The following CNTLN variants were observed in gnomAD, a reference collection of about 807,000 sequenced individuals.
The protein encoded by CNTLN is centlein, also known as centlein, centrosomal protein.
A neutral mutation model predicts 180.0 loss-of-function variants in CNTLN; 212 were observed. The ratio of observed to expected loss-of-function variants is 1.18; its 90% CI spans 1.05 to 1.32. The LOEUF is 1.32. Among genes scored for constraint, CNTLN ranks in the 40% most tolerant of loss-of-function variants. The probability of loss-of-function intolerance (pLI) is 0.00; values close to 1 mark genes in which losing one functional copy is unlikely to be tolerated. For synonymous variants in CNTLN, 722 were observed against 563.1 expected, an observed-to-expected ratio of 1.28 and a Z score of -3.99; for missense variants, 2,095 against 1,610.9, an observed-to-expected ratio of 1.30 and a Z score of -5.14.
At chr9:17,204,417 T>C (rs1386578237) in intron 2 of CNTLN, among the ~76,000 whole-genome samples, 3 of 152,172 alleles carry the variant, frequency 2.0e-5, no homozygotes, top group Admixed American at 2.0e-4. Flanking sequence ...TTTCTGTTTG[T>C]TAGTTTTTCC....
Position 17,457,611 on chromosome 9 carries a change from G to A in CNTLN, c.3202G>A (p.Ala1068Thr), listed in dbSNP as rs762851581. The A allele has an allele frequency of 9.6e-6, 15 of 1,566,668 alleles. No individual in the cohort carries two copies. The South Asian group carries it at 1.7e-4, about 17-fold the overall frequency. Residue 1068 changes from alanine to threonine, a missense_variant, in exon 19 of 26, where the codon GCA becomes ACA. By Grantham distance (58) the Ala-to-Thr change is moderately conservative. Coordinates refer to ENST00000380647, the MANE Select transcript of CNTLN (RefSeq NM_017738.4). ...LESSSEITSL[A>T]EENSQVTFPR... ...GTCCTCATCTGAAATCACAAGTTTG[G>A]CAGAAGAAAATTCCCAGGTAACATT... is the stretch of plus-strand genomic sequence containing the variant.
At chr9:17,255,424 T>G (rs1363696303) in intron 5 of CNTLN, among the ~76,000 whole-genome samples, 1 of 151,060 alleles carries the variant, frequency 6.6e-6, no homozygotes, top group African/African-American at 2.4e-5. Flanking sequence ...TCAAATGTTT[T>G]TTCTGTATCG....
intron 8 of CNTLN, among the ~76,000 whole-genome samples, chr9:17,319,265 G>C (rs1263155941): frequency 6.6e-6 from 1 of 152,172 alleles, no homozygotes; most frequent in African/African-American, 2.4e-5. Context: ...CTACATCCAA[G>C]CATCCTAGGG....
At chr9:17,247,448 T>C (rs1430927044) in intron 5 of CNTLN, among the ~76,000 whole-genome samples, 1 of 152,214 alleles carries the variant, frequency 6.6e-6, no homozygotes, top group African/African-American at 2.4e-5. Flanking sequence ...GTCCCTGTGC[T>C]CTGCCTCTCC....
At chr9:17,440,833 A>G (rs182286318) in intron 18 of CNTLN, among the ~76,000 whole-genome samples, 2 of 152,334 alleles carry the variant, frequency 1.3e-5, no homozygotes, top group East Asian at 3.9e-4. Flanking sequence ...GAAGAAGCTA[A>G]TAATAAAAGA....
intron 12 of CNTLN, among the ~76,000 whole-genome samples, chr9:17,354,650 AG>A (rs1375614817): frequency 1.3e-5 from 2 of 152,098 alleles, no homozygotes; most frequent in Non-Finnish European, 2.9e-5. Flanking sequence ...TATCTAGCTC[AG>A]GGATTGTAAA....
chr9:17,302,115 C>T (rs929908798), intron 7 of CNTLN: 10 of 748,420 alleles, frequency 1.3e-5, no homozygotes, highest in Middle Eastern at 7.9e-4. Context: ...CACACACACA[C>T]ACACAGACAC....
intron 2 of CNTLN, among the ~76,000 whole-genome samples, chr9:17,174,201 C>T (rs1168130015): frequency 6.6e-6 from 1 of 152,128 alleles, no homozygotes; most frequent in Non-Finnish European, 1.5e-5. Flanking sequence ...AAGAGTGTCC[C>T]ATAGTATGGA....
chr9:17,481,325 A>G (rs534607559), intron 23 of CNTLN, among the ~76,000 whole-genome samples: 40 of 152,256 alleles, frequency 2.6e-4, no homozygotes, highest in African/African-American at 9.1e-4. Context: ...CCCAACAACT[A>G]TGGGGCACAG....
chr9:17,293,226 T>G (rs1817523844), intron 6 of CNTLN, among the ~76,000 whole-genome samples: 1 of 152,224 alleles, frequency 6.6e-6, no homozygotes, highest in East Asian at 1.9e-4. Flanking sequence ...TGGCAACCCC[T>G]GTTGGGGTCT....
chr9:17,299,510 T>C (rs1471068674), intron 7 of CNTLN: 1 of 984,716 alleles, frequency 1.0e-6, no homozygotes, highest in Admixed American at 6.1e-5. Context: ...TTAATTACCT[T>C]AAAACTTAAA....
chr9:17,417,408 GT>G (rs1330320489), intron 18 of CNTLN, among the ~76,000 whole-genome samples: 2 of 150,740 alleles, frequency 1.3e-5, no homozygotes, highest in African/African-American at 4.9e-5. Context: ...GTATTCCTAG[GT>G]TTTTTTTGTG....
At position 17,502,808 on chromosome 9, in the gene CNTLN, C is replaced by A; in HGVS notation, c.*156C>A. On this transcript the variant is annotated 3_prime_UTR_variant, in exon 26 of 26. Coordinates refer to ENST00000380647, the MANE Select transcript of CNTLN (RefSeq NM_017738.4). Reference sequence around the variant, plus strand: ...TCTCTGAAAATAATTAATTGCTGAACAAGTGAAACTAATTAAGTACATAGC... The same window carrying A: ...TCTCTGAAAATAATTAATTGCTGAAAAAGTGAAACTAATTAAGTACATAGC... The A allele has an allele frequency of 5.0e-6, 2 of 396,248 alleles. No individual in the cohort carries two copies. The highest frequency in any genetic ancestry group is 5.5e-4 in the Middle Eastern group (1 of 1,812). The allele number at this position is 396,248 out of a possible 1,614,324, so 24.5% of individuals were successfully genotyped here.
chr9:17,207,526 C>A (rs1342726003), intron 2 of CNTLN, among the ~76,000 whole-genome samples: 1 of 152,138 alleles, frequency 6.6e-6, no homozygotes, highest in Non-Finnish European at 1.5e-5. Context: ...CTGCAAAAAC[C>A]GTGGGAAAAT....
intron 22 of CNTLN, among the ~76,000 whole-genome samples, chr9:17,466,465 C>T (rs566610955): frequency 1.3e-5 from 2 of 151,484 alleles, no homozygotes; most frequent in Non-Finnish European, 3.0e-5. Context: ...TCTAAAATAG[C>T]TTCCATGCTT....
At chr9:17,165,599 C>G (rs1820016414) in intron 2 of CNTLN, among the ~76,000 whole-genome samples, 1 of 128,378 alleles carries the variant, frequency 7.8e-6, no homozygotes, top group African/African-American at 3.7e-5. Flanking sequence ...TGTAGACTCT[C>G]TGGTCCTCCT....
At position 17,160,797 on chromosome 9, in the gene CNTLN, A is replaced by G. The variant is rs541668124; in HGVS notation, c.449+17421A>G. Among the ~76,000 whole-genome samples the G allele has an allele frequency of 6.6e-5, 10 of 152,310 alleles. No homozygotes were observed. The South Asian group carries it at 1.4e-3, about 22-fold the overall frequency. On this transcript the variant is annotated intron_variant, in intron 2 of 25. Transcript: ENST00000380647. Reference sequence around the variant, plus strand: ...ATGTAACCTTTAAGCTTGGATGCCTAGAGGATACCTCATGTTGCAAAGTAA... The same window carrying G: ...ATGTAACCTTTAAGCTTGGATGCCTGGAGGATACCTCATGTTGCAAAGTAA...
intron 5 of CNTLN, among the ~76,000 whole-genome samples, chr9:17,245,514 G>C (rs1049905131): frequency 6.8e-6 from 1 of 147,848 alleles, no homozygotes; most frequent in Non-Finnish European, 1.5e-5. Context: ...TAAATACCTT[G>C]AGGTAGTTTT....
chr9:17,337,370 A>T (rs1045529481), intron 10 of CNTLN, among the ~76,000 whole-genome samples: 5 of 152,184 alleles, frequency 3.3e-5, no homozygotes, highest in African/African-American at 9.7e-5. Flanking sequence ...TGTTTTAGTC[A>T]TAAAGTCTTC....
Sources: gnomAD v4.1 joint callset for allele counts (sites outside exome capture counted in the v4.1 genomes callset) on GRCh38, gnomAD v4.1.1 for gene constraint, MANE v1.5 for transcripts, NCBI Gene and HGNC (gene_info 2026-07-23, HGNC 2026-07-21) for gene names.